FBXW5: variants seen among roughly 807,000 people sequenced by gnomAD.
FBXW5 encodes F-box/WD repeat-containing protein 5.
In FBXW5, 74 loss-of-function variants were observed where a neutral mutation model predicts 50.9. That is an observed-to-expected ratio of 1.45 (90% CI 1.20 to 1.76). The LOEUF is 1.76. Among genes scored for constraint, FBXW5 ranks in the 40% most tolerant of loss-of-function variants. The pLI is 0.00. For synonymous variants in FBXW5, 523 were observed against 362.2 expected, an observed-to-expected ratio of 1.44 and a Z score of -5.04; for missense variants, 1,073 against 818.8, an observed-to-expected ratio of 1.31 and a Z score of -3.79.
chr9:136,941,424 C>G lies in FBXW5; in HGVS notation c.1284G>C (p.Ala428=). The G allele has an allele frequency of 6.2e-7, 1 of 1,609,722 alleles. No individual in the cohort carries two copies. The part of the protein sequence containing the change: ...YVNSRAWPNG[A]VVADPMQPPP... Reference sequence around the variant, plus strand: ...GCGGCTGCATGGGGTCGGCCACCACCGCACCGTTGGGCCAGGCGCGGCTGT... The same window carrying G: ...GCGGCTGCATGGGGTCGGCCACCACGGCACCGTTGGGCCAGGCGCGGCTGT... Residue 428 remains alanine (A), a synonymous_variant, in exon 8 of 9, where the codon GCG becomes GCC. Coordinates refer to ENST00000325285, the MANE Select transcript of FBXW5 (RefSeq NM_018998.4).
In FBXW5 at chr9:136,941,237, G is replaced by C. The variant is rs769950338; in HGVS notation, c.1457+14C>G. 6.2e-7 allele frequency: 1 copy of C among 1,601,308 alleles called. No homozygotes were observed. The highest frequency in any genetic ancestry group is 1.7e-5 in the Admixed American group (1 of 59,556). On this transcript the variant is annotated intron_variant, in intron 8 of 8. Transcript: ENST00000325285. Reference sequence around the variant, plus strand: ...GCTGCCCACACCCGCCCTGCACCACGCCGCGCCCTGCACCTGGCCACGAAG... The same window carrying C: ...GCTGCCCACACCCGCCCTGCACCACCCCGCGCCCTGCACCTGGCCACGAAG...
At chr9:136,941,891 C>T in intron 6 of FBXW5, 155 bp downstream of exon 6, 1 of 1,436,312 alleles carries the variant, frequency 7.0e-7, no homozygotes, top group Non-Finnish European at 9.1e-7. Context: ...CACTGCTCAT[C>T]CCACAGGCCC....
rs780198899 is a variant in FBXW5 at position 136,941,624 on chromosome 9, C to T, written c.1157G>A (p.Arg386Gln). 39 of 1,582,410 alleles carry T rather than the reference C, an allele frequency of 2.5e-5. No individual in the cohort carries two copies. The highest frequency in any genetic ancestry group is 3.3e-4 in the Middle Eastern group (2 of 6,040). Residue 386 changes from arginine (R) to glutamine (Q), a missense_variant, in exon 7 of 9, where the codon CGG (arginine) becomes CAG (glutamine). Physicochemically the swap from Arg to Gln is conservative, Grantham distance 43 (BLOSUM62 1). Coordinates refer to ENST00000325285, the MANE Select transcript of FBXW5 (RefSeq NM_018998.4). ...TTAGPVLGEG[R>Q]GSDAFFDALD... ...CGCGTCGAAGAAGGCATCGGAGCCCCGGCCCTCACCCAGCACGGGCCCTGC... is the reference window on the plus strand; with the variant it reads ...CGCGTCGAAGAAGGCATCGGAGCCCTGGCCCTCACCCAGCACGGGCCCTGC...
chr9:136,941,090 G>A lies in FBXW5; in HGVS notation c.1539C>T (p.Val513=). Residue 513 remains valine (V), a synonymous_variant, in exon 9 of 9, where the codon GTC becomes GTT. Coordinates refer to ENST00000325285, the MANE Select transcript of FBXW5 (RefSeq NM_018998.4). Reference sequence around the variant, plus strand: ...CCTGGGGACTGAAGACCACTGAGTTGACCACATCCTCGTGCCGCAGCCTGG... The same window carrying A: ...CCTGGGGACTGAAGACCACTGAGTTAACCACATCCTCGTGCCGCAGCCTGG... ...CLARLRHEDV[V]NSVVFSPQEQ... is the part of the protein sequence containing the mutation. 2 of 1,573,742 alleles carry A rather than the reference G, an allele frequency of 1.3e-6. No individual in the cohort carries two copies. Among genetic ancestry groups the A allele is most frequent in the Non-Finnish European group, 8.6e-7 (1 of 1,159,478 alleles).
Position 136,944,669 on chromosome 9 carries a change from ACCGCCGCCCCCGCCCAACGGGGAGC to A in FBXW5, c.-124_-100del. The A allele has an allele frequency of 1.0e-6, 1 of 985,278 alleles. No individual in the cohort carries two copies. The highest frequency in any genetic ancestry group is 4.6e-5 in the South Asian group (1 of 21,978). 61.0% of individuals were successfully genotyped at this position (985,278 alleles called of 1,614,324 possible). ...CGCTTCCGCTGCCGCAGCCGCTCGG[ACCGCCGCCCCCGCCCAACGGGGAGC>A]CCGCCAGGCCCGACGCCACGAGCCC... On this transcript the variant is annotated 5_prime_UTR_variant, in exon 1 of 9. Transcript: ENST00000325285.
In FBXW5 at chr9:136,943,356, G is replaced by C. The variant is rs1247114657; in HGVS notation, c.344C>G (p.Thr115Ser). The C allele has an allele frequency of 2.5e-6, 4 of 1,609,234 alleles. No homozygotes were observed. The highest frequency in any genetic ancestry group is 2.5e-6 in the Non-Finnish European group (3 of 1,177,934). ...ACACCTGGCCGTCCTCACCTTCACAGTGCAGTCCTTGGAGCAGGACGCGAA... is the reference window on the plus strand; with the variant it reads ...ACACCTGGCCGTCCTCACCTTCACACTGCAGTCCTTGGAGCAGGACGCGAA... ...YQFASCSKDCTVKIWSNDLTI... is the reference protein window; with the variant it reads ...YQFASCSKDCSVKIWSNDLTI... Residue 115 changes from threonine to serine, a missense_variant, in exon 3 of 9, where the codon ACT becomes AGT. Coordinates refer to ENST00000325285, the MANE Select transcript of FBXW5 (RefSeq NM_018998.4).
intron 3 of FBXW5, 83 bp from the exon 4 acceptor site, chr9:136,943,026 C>A: frequency 6.3e-7 from 1 of 1,595,506 alleles, no homozygotes; most frequent in Non-Finnish European, 8.5e-7. Context: ...GAGGCCCCAG[C>A]TCTGCCAGCC....
At position 136,940,497 on chromosome 9, in the gene FBXW5, G is replaced by A. The variant is rs1360267915; in HGVS notation, c.*431C>T. On this transcript the variant is annotated 3_prime_UTR_variant, in exon 9 of 9. Coordinates refer to ENST00000325285, the MANE Select transcript of FBXW5 (RefSeq NM_018998.4). ...TGGTGCGTGGACATGCAACACACTCGGGCCCACAGCAGCGTGACCGGCCGC... is the reference window on the plus strand; with the variant it reads ...TGGTGCGTGGACATGCAACACACTCAGGCCCACAGCAGCGTGACCGGCCGC... 2.4e-5 allele frequency: 6 copies of A among 245,570 alleles called. No homozygotes were observed. The highest frequency in any genetic ancestry group is 1.9e-4 in the East Asian group (2 of 10,418). The allele number at this position is 245,570 out of a possible 1,614,324, so 15.2% of individuals were successfully genotyped here. A position where few individuals can be genotyped will look rare whatever the true frequency, so the allele number is the denominator to read the frequency against.
chr9:136,944,539 C>CCAAGGCGGGCGGGGACGA (rs1850959187), intron 1 of FBXW5, 55 bp downstream of exon 1: 2 of 983,870 alleles, frequency 2.0e-6, no homozygotes, highest in Non-Finnish European at 2.4e-6. Flanking sequence ...CTGCACTCGC[C>CCAAGGCGGGCGGGGACGA]CAAGGCGGGC....
chr9:136,942,054 TGTG>T lies in FBXW5; in HGVS notation c.1085_1087del (p.Pro362del). Reference sequence around the variant, plus strand: ...TGGCGGCAGGGGTGTACCGATCTGGTGTGGGGAGTAGGTGAGGCAGCCAGTGGT... The same window carrying T: ...TGGCGGCAGGGGTGTACCGATCTGGTGGGAGTAGGTGAGGCAGCCAGTGGT... On this transcript the variant is annotated inframe_deletion, in exon 6 of 9. Coordinates refer to ENST00000325285, the MANE Select transcript of FBXW5 (RefSeq NM_018998.4). 1.2e-6 allele frequency: 2 copies of T among 1,608,050 alleles called. No individual in the cohort carries two copies. Among genetic ancestry groups the T allele is most frequent in the Non-Finnish European group, 1.7e-6 (2 of 1,176,024 alleles).
chr9:136,943,572 G>GT, intron 2 of FBXW5, 66 bp from the exon 3 acceptor site: 1 of 1,541,746 alleles, frequency 6.5e-7, no homozygotes, highest in East Asian at 2.4e-5. Context: ...TGAGCCGAGT[G>GT]TGGCCCCAGC....
In FBXW5 at chr9:136,942,736, C is replaced by CG. The variant is rs754536040; in HGVS notation, c.526+32dup. 10 of 1,611,292 alleles carry CG rather than the reference C, an allele frequency of 6.2e-6. No homozygotes were observed. The South Asian group carries it at 9.9e-5, about 16-fold the overall frequency. Reference sequence around the variant, plus strand: ...GGCTGGACAGGCTGTCGGCGTGGGGCGGGGGCAGGGTCAACCCGCCGCCCG... The same window carrying CG: ...GGCTGGACAGGCTGTCGGCGTGGGGCGGGGGGCAGGGTCAACCCGCCGCCCG... On this transcript the variant is annotated intron_variant, in intron 4 of 8. Transcript: ENST00000325285.
chr9:136,943,067 C>G, intron 3 of FBXW5, 124 bp from the exon 4 acceptor site: 1 of 1,458,524 alleles, frequency 6.9e-7, no homozygotes, highest in Non-Finnish European at 9.4e-7. Context: ...AGCAGGGACC[C>G]CTTCCAGCCA....
intron 6 of FBXW5, 59 bp downstream of exon 6, chr9:136,941,987 T>A: frequency 6.6e-7 from 1 of 1,522,056 alleles, no homozygotes; most frequent in Middle Eastern, 1.9e-4. Context: ...TCAGGACCCC[T>A]GCCCGGCCTC....
At chr9:136,942,997 C>A in intron 3 of FBXW5, 54 bp from the exon 4 acceptor site, 1 of 1,607,514 alleles carries the variant, frequency 6.2e-7, no homozygotes, top group Non-Finnish European at 8.5e-7. Context: ...GGGGCGGGGG[C>A]CTGCTACTAC....
At chr9:136,944,203 T>A in intron 1 of FBXW5, 97 bp from the exon 2 acceptor site, 1 of 1,313,610 alleles carries the variant, frequency 7.6e-7, no homozygotes, top group South Asian at 1.5e-5. Context: ...CGCCGGGAGT[T>A]CCACGGGGCT....
intron 1 of FBXW5, 172 bp from the exon 2 acceptor site, chr9:136,944,278 C>T (rs1475298881): frequency 4.0e-6 from 3 of 758,108 alleles, no homozygotes; most frequent in African/African-American, 1.9e-5. Flanking sequence ...CCGGGCGGGC[C>T]GGGCCGGCCC....
Position 136,941,963 on chromosome 9 carries a change from T to C in FBXW5, c.1096+83A>G, listed in dbSNP as rs1349788982. On this transcript the variant is annotated intron_variant, in intron 6 of 8. Transcript: ENST00000325285. ...ATCCCAGCTTTGCCTGTGGACTTGC[T>C]TGCTGTCTGCCCCTCAGGACCCCTG... is the stretch of plus-strand genomic sequence containing the variant. 2.0e-6 allele frequency: 3 copies of C among 1,475,800 alleles called. No homozygotes were observed. In the East Asian group the frequency reaches 7.3e-5, roughly 36 times the overall value. 91.4% of individuals were successfully genotyped at this position (1,475,800 alleles called of 1,614,324 possible). A position where few individuals can be genotyped will look rare whatever the true frequency, so the allele number is the denominator to read the frequency against.
chr9:136,944,663 G>A lies in FBXW5; in HGVS notation c.-93C>T, dbSNP rs1378982660. The A allele has an allele frequency of 3.0e-6, 3 of 985,414 alleles. No homozygotes were observed. Among genetic ancestry groups the A allele is most frequent in the South Asian group, 9.1e-5 (2 of 22,012 alleles). 61.0% of individuals were successfully genotyped at this position (985,414 alleles called of 1,614,324 possible). A position where few individuals can be genotyped will look rare whatever the true frequency, so the allele number is the denominator to read the frequency against. ...CGGACCCGCTTCCGCTGCCGCAGCC[G>A]CTCGGACCGCCGCCCCCGCCCAACG... On this transcript the variant is annotated 5_prime_UTR_variant, in exon 1 of 9. Transcript: ENST00000325285.
Sources: gnomAD v4.1 joint callset for allele counts on GRCh38, gnomAD v4.1.1 for gene constraint, MANE v1.5 for transcripts, NCBI Gene and HGNC (gene_info 2026-07-23, HGNC 2026-07-21) for gene names.